Variants in PTPRT observed in about 807,000 individuals in gnomAD.
The protein encoded by PTPRT is receptor-type tyrosine-protein phosphatase T.
In PTPRT, 56 loss-of-function variants were observed where a neutral mutation model predicts 176.8. That is an observed-to-expected ratio of 0.32 (90% confidence interval 0.26 to 0.40). The LOEUF is 0.40. PTPRT is among the 10% of genes least tolerant of loss of function. PTPRT has a pLI of 1.00. For missense variants in PTPRT, 1,540 were observed against 1,908.2 expected (o/e 0.81, Z 3.60); for synonymous variants, 783 against 739.0 (o/e 1.06, Z -0.96).
chr20:42,719,613 A>C (rs2076276165), intron 6 of PTPRT, among the ~76,000 whole-genome samples: 1 of 152,238 alleles, frequency 6.6e-6, no homozygotes, highest in African/African-American at 2.4e-5. Context: ...GAGTATTGTT[A>C]AAGGCTATTG....
intron 7 of PTPRT, among the ~76,000 whole-genome samples, chr20:42,635,776 T>C (rs1164787745): frequency 6.6e-6 from 1 of 152,110 alleles, no homozygotes; most frequent in East Asian, 1.9e-4. Flanking sequence ...TTTCAGCTAA[T>C]GGAATTCTAG....
chr20:42,069,569 C>A (rs73269485), downstream of PTPRT, among the ~76,000 whole-genome samples: 1 of 151,912 alleles, frequency 6.6e-6, no homozygotes, highest in Admixed American at 6.6e-5. Flanking sequence ...ATATAATTGG[C>A]CTTTCCGGGT....
At chr20:43,185,940 A>G (rs1265812152) in intron 1 of PTPRT, among the ~76,000 whole-genome samples, 1 of 152,074 alleles carries the variant, frequency 6.6e-6, no homozygotes, top group Non-Finnish European at 1.5e-5. Flanking sequence ...CAAAAAAAAA[A>G]AAGGAAACTA....
chr20:42,106,986 T>A, intron 23 of PTPRT, 65 bp from the exon 24 acceptor site: 1 of 1,575,096 alleles, frequency 6.3e-7, no homozygotes, highest in South Asian at 1.2e-5. Context: ...GGGAGGCCCC[T>A]AGCATTCAGC....
At chr20:43,072,015 T>C (rs1825797638) in intron 1 of PTPRT, among the ~76,000 whole-genome samples, 1 of 152,222 alleles carries the variant, frequency 6.6e-6, no homozygotes, top group Admixed American at 6.5e-5. Context: ...GATCTAGCTC[T>C]CTAGACTGTG....
chr20:42,071,002 G>T (rs182373266), downstream of PTPRT, among the ~76,000 whole-genome samples: 4 of 152,188 alleles, frequency 2.6e-5, no homozygotes, highest in African/African-American at 9.6e-5. Flanking sequence ...CATGACCAAG[G>T]ACAAAGTGAC....
At chr20:42,321,642 T>A (rs1028003830) in intron 11 of PTPRT, among the ~76,000 whole-genome samples, 1 of 152,166 alleles carries the variant, frequency 6.6e-6, no homozygotes, top group African/African-American at 2.4e-5. Flanking sequence ...AATTGAAACA[T>A]GTCTTATTTA....
chr20:42,853,104 A>G (rs1242261097), intron 2 of PTPRT, among the ~76,000 whole-genome samples: 1 of 152,184 alleles, frequency 6.6e-6, no homozygotes, highest in Non-Finnish European at 1.5e-5. Context: ...TTGGTCTGAT[A>G]TATCTACATT....
chr20:42,145,009 G>C (rs1291219218), intron 17 of PTPRT, among the ~76,000 whole-genome samples: 1 of 152,142 alleles, frequency 6.6e-6, no homozygotes, highest in Admixed American at 6.5e-5. Flanking sequence ...AAGTCAACCT[G>C]GGTGAGTCTT....
intron 1 of PTPRT, among the ~76,000 whole-genome samples, chr20:43,019,738 C>G (rs1446125610): frequency 6.6e-6 from 1 of 151,738 alleles, no homozygotes; most frequent in South Asian, 2.1e-4. Flanking sequence ...TCAATGCAGG[C>G]AGCACCATCC....
chr20:42,582,665 C>G (rs2073396083), intron 7 of PTPRT, among the ~76,000 whole-genome samples: 1 of 152,182 alleles, frequency 6.6e-6, no homozygotes, highest in South Asian at 2.1e-4. Context: ...TATCTGTGAT[C>G]ACCCTTTAGT....
chr20:43,163,648 CA>C (rs1337638410), intron 1 of PTPRT, among the ~76,000 whole-genome samples: 4 of 138,288 alleles, frequency 2.9e-5, no homozygotes, highest in South Asian at 2.7e-4. Context: ...AAAAACAAAA[CA>C]AAACAAAAAA....
chr20:43,130,331 C>G (rs955700501), intron 1 of PTPRT, among the ~76,000 whole-genome samples: 2 of 152,056 alleles, frequency 1.3e-5, no homozygotes, highest in Non-Finnish European at 2.9e-5. Context: ...TTCCCTTACC[C>G]CACCCCCTAC....
chr20:42,540,425 A>T (rs1159870626), intron 7 of PTPRT, among the ~76,000 whole-genome samples: 1 of 152,138 alleles, frequency 6.6e-6, no homozygotes, highest in Non-Finnish European at 1.5e-5. Flanking sequence ...GGATGGAGTT[A>T]TTGGCAATAG....
chr20:42,320,008 C>T (rs1298648800), intron 11 of PTPRT, among the ~76,000 whole-genome samples: 3 of 152,170 alleles, frequency 2.0e-5, no homozygotes, highest in African/African-American at 7.2e-5. Flanking sequence ...TTTACTCATA[C>T]ATTTTCTCCT....
At chr20:42,315,155 G>A (rs895661596) in intron 12 of PTPRT, among the ~76,000 whole-genome samples, 2 of 63,852 alleles carry the variant, frequency 3.1e-5, no homozygotes, top group African/African-American at 6.2e-5. Flanking sequence ...TCCGCAGTCC[G>A]GCCTGGGCGA....
intron 2 of PTPRT, among the ~76,000 whole-genome samples, chr20:42,823,567 T>C (rs1039009998): frequency 2.0e-5 from 3 of 151,950 alleles, no homozygotes; most frequent in Admixed American, 6.6e-5. Context: ...ATTACTCACA[T>C]CCTCCTCAAA....
chr20:42,640,070 A>T (rs1430439875), intron 7 of PTPRT, among the ~76,000 whole-genome samples: 2 of 152,054 alleles, frequency 1.3e-5, no homozygotes, highest in African/African-American at 2.4e-5. Context: ...TTCATTCTTT[A>T]CCTGCTACAA....
intron 1 of PTPRT, among the ~76,000 whole-genome samples, chr20:42,925,279 C>G (rs965510593): frequency 6.6e-6 from 1 of 152,120 alleles, no homozygotes; most frequent in African/African-American, 2.4e-5. Flanking sequence ...CGTATCACTA[C>G]CAAAATGAAA....
Sources: gnomAD v4.1 joint callset for allele counts (sites outside exome capture counted in the v4.1 genomes callset) on GRCh38, gnomAD v4.1.1 for gene constraint, MANE v1.5 for transcripts, NCBI Gene and HGNC (gene_info 2026-07-23, HGNC 2026-07-21) for gene names.